The following PCDH9 variants were observed in gnomAD, a reference collection of about 807,000 sequenced individuals.
PCDH9 encodes the protein protocadherin-9.
PCDH9 carries 24 observed loss-of-function variants against 70.6 expected under a neutral mutation model. The ratio of observed to expected loss-of-function variants is 0.34; its 90% CI spans 0.25 to 0.48. The LOEUF (loss-of-function observed/expected upper bound fraction) is 0.48, where lower values mean the gene tolerates loss of function less well. Among genes scored for constraint, PCDH9 ranks in the 20% least tolerant of loss-of-function variants. The pLI is 0.99. For synonymous variants in PCDH9, 562 were observed against 558.5 expected, an observed-to-expected ratio of 1.01 and a Z score of -0.09; for missense variants, 1,281 against 1,503.6, an observed-to-expected ratio of 0.85 and a Z score of 2.45.
chr13:66,792,397 C>T (rs954871284), intron 3 of PCDH9, among the ~76,000 whole-genome samples: 1 of 152,058 alleles, frequency 6.6e-6, no homozygotes, highest in African/African-American at 2.4e-5. Context: ...GGGCCAGGCA[C>T]GGTGGCTCAT....
Position 66,903,512 on chromosome 13 carries a change from G to A in PCDH9, c.3130C>T (p.His1044Tyr). The change falls in exon 3 of 5, where the codon CAT becomes TAT. Residue 1044 changes from histidine to tyrosine, a missense_variant. Physicochemically the swap from His to Tyr is moderately conservative, Grantham distance 83. Transcript: ENST00000377865. ...GFHIQENEES[H>Y]YESQRRVTFH... ...ATAGATATATGGCATACCTCGTAAT[G>A]GCTTTCTTCATTCTCCTGAATGTGG... The A allele has an allele frequency of 1.4e-6, 2 of 1,452,646 alleles. No individual in the cohort carries two copies. The highest frequency in any genetic ancestry group is 1.9e-6 in the Non-Finnish European group (2 of 1,035,014). The allele number at this position is 1,452,646 out of a possible 1,614,324, so 90.0% of individuals were successfully genotyped here.
chr13:66,900,750 C>A (rs543624604), intron 3 of PCDH9, among the ~76,000 whole-genome samples: 3 of 151,240 alleles, frequency 2.0e-5, no homozygotes, highest in African/African-American at 7.3e-5. Context: ...TCATTGACAC[C>A]GAACATGACT....
chr13:67,203,881 C>T (rs2089276746), intron 2 of PCDH9: 1 of 151,934 alleles, frequency 6.6e-6, no homozygotes, highest in African/African-American at 2.4e-5. Flanking sequence ...AAAACCGCCA[C>T]AGTCTTAGTA....
intron 4 of PCDH9, among the ~76,000 whole-genome samples, chr13:66,488,459 C>T (rs1457150054): frequency 1.3e-5 from 2 of 152,036 alleles, no homozygotes; most frequent in African/African-American, 4.8e-5. Context: ...AACCAAACAA[C>T]ATATTATTTT....
intron 2 of PCDH9, among the ~76,000 whole-genome samples, chr13:66,959,491 G>T (rs1333922113): frequency 6.6e-6 from 1 of 152,146 alleles, no homozygotes; most frequent in East Asian, 1.9e-4. Context: ...AGTGGCTCAG[G>T]CTTGTAATTT....
chr13:66,740,042 T>A (rs1310040504), intron 3 of PCDH9, among the ~76,000 whole-genome samples: 18 of 151,632 alleles, frequency 1.2e-4, no homozygotes, highest in African/African-American at 2.9e-4. Flanking sequence ...ATATACATTT[T>A]TTCAGCACCA....
At chr13:67,052,284 A>T (rs2085338017) in intron 2 of PCDH9, among the ~76,000 whole-genome samples, 1 of 152,122 alleles carries the variant, frequency 6.6e-6, no homozygotes, top group Admixed American at 6.6e-5. Flanking sequence ...AGGTGAGAGT[A>T]TAAGTTAGCC....
intron 2 of PCDH9, among the ~76,000 whole-genome samples, chr13:66,958,144 G>A (rs1251660026): frequency 2.6e-5 from 4 of 152,160 alleles, no homozygotes; most frequent in Admixed American, 2.6e-4. Flanking sequence ...TGAAATCAGT[G>A]AAAACACAAA....
intron 2 of PCDH9, among the ~76,000 whole-genome samples, chr13:67,022,473 T>C (rs1245379716): frequency 6.6e-6 from 1 of 152,114 alleles, no homozygotes; most frequent in Non-Finnish European, 1.5e-5. Context: ...CCACAGAAGA[T>C]TATGTTATTA....
intron 2 of PCDH9, among the ~76,000 whole-genome samples, chr13:67,125,751 T>TA (rs1452523119): frequency 2.0e-5 from 3 of 152,162 alleles, no homozygotes; most frequent in Non-Finnish European, 2.9e-5. Flanking sequence ...CATTTTGCAT[T>TA]AATTTGCCTT....
chr13:66,351,827 T>TTTTTC (rs954079410), intron 4 of PCDH9, among the ~76,000 whole-genome samples: 10 of 143,916 alleles, frequency 6.9e-5, no homozygotes, highest in Admixed American at 1.5e-4. Context: ...ATTCCTTTTT[T>TTTTTC]TTTTCTTTTC....
At chr13:66,655,017 T>C (rs1266149369) in intron 3 of PCDH9, among the ~76,000 whole-genome samples, 1 of 152,094 alleles carries the variant, frequency 6.6e-6, no homozygotes, top group Non-Finnish European at 1.5e-5. Flanking sequence ...TGAGCCACCA[T>C]ACCCTGTGGC....
intron 3 of PCDH9, among the ~76,000 whole-genome samples, chr13:66,661,276 A>T (rs1566488842): frequency 6.6e-6 from 1 of 152,160 alleles, no homozygotes; most frequent in Non-Finnish European, 1.5e-5. Context: ...TCAGAAACCT[A>T]ACACTTCGAT....
chr13:66,478,665 A>C (rs1958777828), intron 4 of PCDH9, among the ~76,000 whole-genome samples: 1 of 152,210 alleles, frequency 6.6e-6, no homozygotes, highest in African/African-American at 2.4e-5. Flanking sequence ...CCTAATCTAG[A>C]GCAAAGCCCT....
Position 67,226,019 on chromosome 13 carries a change from G to C in PCDH9, c.2422C>G (p.Gln808Glu). The C allele has an allele frequency of 6.2e-7, 1 of 1,614,066 alleles. No individual in the cohort carries two copies. The highest frequency in any genetic ancestry group is 8.5e-7 in the Non-Finnish European group (1 of 1,179,996). The change falls in exon 2 of 5, where the codon CAA becomes GAA. Residue 808 changes from glutamine to glutamate, a missense_variant. Gln to Glu is a conservative substitution (Grantham distance 29, BLOSUM62 2). Transcript: ENST00000377865. The surrounding 1 kb of genome is among the most constrained non-coding windows in gnomAD (Gnocchi z 5.0). ...RNIGDSSQPY[Q>E]NEDYLTIMIA... ...ATGATGGTTAGATAGTCCTCATTTT[G>C]ATAGGGTTGGCTACTATCCCCTATG...
At chr13:66,864,763 A>C (rs1349695466) in intron 3 of PCDH9, among the ~76,000 whole-genome samples, 2 of 152,218 alleles carry the variant, frequency 1.3e-5, no homozygotes, top group Non-Finnish European at 2.9e-5. Flanking sequence ...TAGAAGTGAA[A>C]CTAGGAAGCA....
chr13:66,644,468 G>A (rs757911877), intron 3 of PCDH9, among the ~76,000 whole-genome samples: 46 of 151,910 alleles, frequency 3.0e-4, no homozygotes, highest in Non-Finnish European at 6.3e-4. Flanking sequence ...GAAAGAGGAA[G>A]TAGACAAACT....
intron 3 of PCDH9, among the ~76,000 whole-genome samples, chr13:66,728,619 C>T (rs2079034691): frequency 6.6e-6 from 1 of 152,096 alleles, no homozygotes; most frequent in Non-Finnish European, 1.5e-5. Flanking sequence ...TAACTTTAAT[C>T]TCTCAGTTCT....
chr13:66,601,643 A>G (rs1248769731), intron 4 of PCDH9, among the ~76,000 whole-genome samples: 1 of 146,350 alleles, frequency 6.8e-6, no homozygotes, highest in East Asian at 1.9e-4. Flanking sequence ...AGCATGTTAT[A>G]TGTGTTGACA....
Sources: allele counts gnomAD v4.1 joint callset (sites outside exome capture counted in the v4.1 genomes callset), GRCh38; gene constraint gnomAD v4.1.1; non-coding constraint Gnocchi (gnomAD v3.1); transcripts MANE v1.5; gene names NCBI Gene and HGNC (gene_info 2026-07-23, HGNC 2026-07-21).